Variants in PRKD2 observed in about 807,000 individuals in gnomAD.
The protein encoded by PRKD2 is serine/threonine-protein kinase D2.
A neutral mutation model predicts 86.0 loss-of-function variants in PRKD2; 22 were observed. The ratio of observed to expected loss-of-function variants is 0.26; its 90% CI spans 0.18 to 0.37. The LOEUF (loss-of-function observed/expected upper bound fraction) is 0.37. PRKD2 is among the 10% of genes least tolerant of loss of function. The pLI is 1.00. For missense variants in PRKD2, 818 were observed against 1,199.2 expected (o/e 0.68, Z 4.70); for synonymous variants, 509 against 510.9 (o/e 1.00, Z 0.05).
chr19:46,706,804 A>ATC (rs1458983809), intron 3 of PRKD2, among the ~76,000 whole-genome samples: 1 of 152,144 alleles, frequency 6.6e-6, no homozygotes, highest in African/African-American at 2.4e-5. Flanking sequence ...CTGAATCAGT[A>ATC]TCTGCAGGCC....
chr19:46,695,913 A>C (rs879696010), intron 9 of PRKD2, among the ~76,000 whole-genome samples: 54 of 152,018 alleles, frequency 3.6e-4, no homozygotes, highest in Admixed American at 1.8e-3. Context: ...ATCTCAGCTC[A>C]CTGCAACCTC....
intron 9 of PRKD2, among the ~76,000 whole-genome samples, chr19:46,695,537 G>T (rs975879051): frequency 3.3e-5 from 5 of 152,218 alleles, no homozygotes; most frequent in Non-Finnish European, 7.3e-5. Flanking sequence ...GGGCTTTGCG[G>T]GCCACAAGGA....
chr19:46,708,308 CTTTTTTTTTT>C (rs61231695), intron 3 of PRKD2, among the ~76,000 whole-genome samples: 11 of 82,190 alleles, frequency 1.3e-4, no homozygotes, highest in African/African-American at 3.7e-4. Context: ...GACTGGTGAC[CTTTTTTTTTT>C]TTTTTTTTTT....
At chr19:46,681,782 A>T (rs1308860179) in intron 14 of PRKD2, 34 bp from the exon 15 acceptor site, 9 of 1,421,700 alleles carry the variant, frequency 6.3e-6, no homozygotes, top group African/African-American at 1.4e-5. Flanking sequence ...TAAGAAAGGT[A>T]GATAGGTACT....
rs192674557 is a variant in PRKD2 at position 46,674,724 on chromosome 19, C to T, written c.2436G>A (p.Thr812=). 47 of 1,604,578 alleles carry T rather than the reference C, an allele frequency of 2.9e-5. No individual in the cohort carries two copies. The highest frequency in any genetic ancestry group is 3.6e-5 in the Non-Finnish European group (43 of 1,179,704). Residue 812 remains threonine, a synonymous_variant, in exon 18 of 18, where the codon ACG becomes ACA. Transcript: ENST00000291281. Reference sequence around the variant, plus strand: ...CCTCCAGCTCTCGGAGGTCCAGCCACGTCTGGTACTCCTGGGCCCGAGAGA... The same window carrying T: ...CCTCCAGCTCTCGGAGGTCCAGCCATGTCTGGTACTCCTGGGCCCGAGAGA... ...LSHPWLQEYQ[T]WLDLRELEGK...
At chr19:46,694,897 C>A (rs2053535024) in intron 9 of PRKD2, among the ~76,000 whole-genome samples, 2 of 151,456 alleles carry the variant, frequency 1.3e-5, no homozygotes. Context: ...ACAGTGAGAC[C>A]CCAGCTCTAC....
chr19:46,713,737 C>T (rs2053841309), intron 2 of PRKD2, 126 bp downstream of exon 2: 1 of 939,972 alleles, frequency 1.1e-6, no homozygotes, highest in African/African-American at 1.7e-5. Flanking sequence ...TCCCAAAGTG[C>T]TGGGATCACA....
At chr19:46,711,479 G>C (rs936978113) in intron 2 of PRKD2, among the ~76,000 whole-genome samples, 1 of 148,328 alleles carries the variant, frequency 6.7e-6, no homozygotes, top group African/African-American at 2.5e-5. Context: ...CCACAAGTCC[G>C]CCTCCCGGGT....
intron 5 of PRKD2, 123 bp downstream of exon 5, chr19:46,704,046 G>A (rs909917175): frequency 2.1e-6 from 3 of 1,413,584 alleles, no homozygotes; most frequent in Admixed American, 4.7e-5. Flanking sequence ...CTAGGATTCA[G>A]GGCCCTCCCC....
intron 10 of PRKD2, among the ~76,000 whole-genome samples, chr19:46,692,936 G>A (rs1200718339): frequency 2.0e-5 from 3 of 152,106 alleles, no homozygotes; most frequent in South Asian, 2.1e-4. Context: ...CATCACACTC[G>A]TTGCTTGTAT....
chr19:46,693,803 C>T lies in PRKD2; in HGVS notation c.1576+72G>A. 2 of 1,511,834 alleles carry T rather than the reference C, an allele frequency of 1.3e-6. No homozygotes were observed. Among genetic ancestry groups the T allele is most frequent in the Non-Finnish European group, 1.8e-6 (2 of 1,133,932 alleles). The allele number at this position is 1,511,834 out of a possible 1,614,324, so 93.7% of individuals were successfully genotyped here. ...CCATTGCCCACTTTCCTCTTTGGCC[C>T]TTCCATTCCCCAGAACCGTGCCCCA... On this transcript the variant is annotated intron_variant, in intron 10 of 17. Transcript: ENST00000291281. The surrounding 1 kb of genome is among the most constrained non-coding windows in gnomAD (Gnocchi z 4.5).
chr19:46,697,360 C>A (rs1046926676), intron 8 of PRKD2, 126 bp from the exon 9 acceptor site: 1 of 697,216 alleles, frequency 1.4e-6, no homozygotes, highest in East Asian at 2.6e-5. Flanking sequence ...AGCACCTACC[C>A]CACGCCGTAA....
At chr19:46,702,559 C>G (rs951066994) in intron 5 of PRKD2, among the ~76,000 whole-genome samples, 1 of 152,114 alleles carries the variant, frequency 6.6e-6, no homozygotes, top group East Asian at 1.9e-4. Flanking sequence ...ATACAAGATT[C>G]TAGAATTTGA....
intron 1 of PRKD2, among the ~76,000 whole-genome samples, chr19:46,715,811 C>T (rs1301775835): frequency 6.6e-6 from 1 of 152,230 alleles, no homozygotes; most frequent in Non-Finnish European, 1.5e-5. Flanking sequence ...ACGTGGAGGT[C>T]CGCCGACATC....
rs997240581 is a variant in PRKD2 at position 46,697,870 on chromosome 19, G to A, written c.1122-20C>T. 1.9e-6 allele frequency: 3 copies of A among 1,587,986 alleles called. No individual in the cohort carries two copies. Among genetic ancestry groups the A allele is most frequent in the Non-Finnish European group, 1.7e-6 (2 of 1,156,782 alleles). On this transcript the variant is annotated intron_variant, in intron 7 of 17. Coordinates refer to ENST00000291281, the MANE Select transcript of PRKD2 (RefSeq NM_016457.5). ...AGGGAGCTGCGAAGGAAGAGGAAGG[G>A]GTGAGAAGTCACATGCAGAAAGTGA...
At chr19:46,697,905 T>G (rs764903404) in intron 7 of PRKD2, 55 bp from the exon 8 acceptor site, 9 of 1,398,950 alleles carry the variant, frequency 6.4e-6, no homozygotes, top group Non-Finnish European at 9.1e-6. Flanking sequence ...ACCATGCTGC[T>G]TGGGAATGCA....
In PRKD2 at chr19:46,716,042, T is replaced by A; in HGVS notation, c.240+89A>T. 6.5e-7 allele frequency: 1 copy of A among 1,527,864 alleles called. No homozygotes were observed. Among genetic ancestry groups the A allele is most frequent in the South Asian group, 1.2e-5 (1 of 80,078 alleles). 94.6% of individuals were successfully genotyped at this position (1,527,864 alleles called of 1,614,324 possible). On this transcript the variant is annotated intron_variant, in intron 1 of 17. Transcript: ENST00000291281. The surrounding 1 kb of genome is among the most constrained non-coding windows in gnomAD (Gnocchi z 7.9). ...CCAAAGCTCAGGTCTCCTTCCTCCC[T>A]CTTCCGCACACCAGGCCCCAGACCC...
rs921682772 is a variant in PRKD2 at position 46,674,576 on chromosome 19, G to A, written c.2584C>T (p.Pro862Ser). The A allele has an allele frequency of 6.2e-6, 10 of 1,608,834 alleles. No individual in the cohort carries two copies. In the Admixed American group the frequency reaches 6.7e-5, roughly 11 times the overall value. Residue 862 changes from proline to serine, a missense_variant, in exon 18 of 18, where the codon CCA (proline) becomes TCA (serine). This residue lies in a region of PRKD2 where 132 missense variants were observed against 146.2 expected (regional missense o/e 0.90). Coordinates refer to ENST00000291281, the MANE Select transcript of PRKD2 (RefSeq NM_016457.5). ...CCCTGCATGTCGTGGTCCTGTGGTGGACAGGCCCCACCGAGATCCCTGTCC... is the reference window on the plus strand; with the variant it reads ...CCCTGCATGTCGTGGTCCTGTGGTGAACAGGCCCCACCGAGATCCCTGTCC... ...PTDRDLGGACPPQDHDMQGLA... is the reference protein window; with the variant it reads ...PTDRDLGGACSPQDHDMQGLA...
Position 46,674,417 on chromosome 19 carries a change from G to A in PRKD2, c.*106C>T. ...GCTCCCCCCACCCCACTCCCCACGTGTCCCATCCAGTTTGGGCAGGAAGCC... is the reference window on the plus strand; with the variant it reads ...GCTCCCCCCACCCCACTCCCCACGTATCCCATCCAGTTTGGGCAGGAAGCC... On this transcript the variant is annotated 3_prime_UTR_variant, in exon 18 of 18. Transcript: ENST00000291281. 2 of 1,236,392 alleles carry A rather than the reference G, an allele frequency of 1.6e-6. No homozygotes were observed. Among genetic ancestry groups the A allele is most frequent in the Non-Finnish European group, 2.2e-6 (2 of 902,426 alleles). 76.6% of individuals were successfully genotyped at this position (1,236,392 alleles called of 1,614,324 possible). A position where few individuals can be genotyped will look rare whatever the true frequency, so the allele number is the denominator to read the frequency against.
Sources: gnomAD v4.1 joint callset for allele counts (sites outside exome capture counted in the v4.1 genomes callset) on GRCh38, gnomAD v4.1.1 for gene constraint, gnomAD v4.1.1 regional missense constraint, Gnocchi (gnomAD v3.1) non-coding constraint, MANE v1.5 for transcripts, NCBI Gene and HGNC (gene_info 2026-07-23, HGNC 2026-07-21) for gene names.